Variants in CCDC33 observed in about 807,000 individuals in gnomAD.
The protein encoded by CCDC33 is coiled-coil domain containing 33.
CCDC33 carries 94 observed loss-of-function variants against 91.9 expected under a neutral mutation model. That is an observed-to-expected ratio of 1.02 (90% CI 0.87 to 1.21). The LOEUF (loss-of-function observed/expected upper bound fraction) is 1.21, where lower values mean the gene tolerates loss of function less well. CCDC33 is among the 50% of genes most tolerant of loss of function. The pLI is 0.00. For missense variants in CCDC33, 940 were observed against 935.5 expected, an observed-to-expected ratio of 1.00 and a Z score of -0.06; for synonymous variants, 396 against 374.5, an observed-to-expected ratio of 1.06 and a Z score of -0.66.
chr15:74,234,390 G>A (rs932556725), upstream of CCDC33, among the ~76,000 whole-genome samples: 2 of 152,202 alleles, frequency 1.3e-5, no homozygotes, highest in Non-Finnish European at 2.9e-5. Flanking sequence ...CCACTTCTCT[G>A]GGCTGGGGAT....
chr15:74,330,622 G>A (rs1487223589), intron 12 of CCDC33, 41 bp from the exon 13 acceptor site: 2 of 1,499,718 alleles, frequency 1.3e-6, no homozygotes, highest in Non-Finnish European at 9.3e-7. Flanking sequence ...TGAGCTGGGA[G>A]AGGCTTCCTC....
intron 7 of CCDC33, among the ~76,000 whole-genome samples, chr15:74,277,405 G>A (rs2076476787): frequency 6.6e-6 from 1 of 152,256 alleles, no homozygotes; most frequent in African/African-American, 2.4e-5. Flanking sequence ...AAATAAGGCG[G>A]TGGGCGTGGA....
chr15:74,319,544 C>A (rs2060163732), intron 11 of CCDC33: 1 of 152,506 alleles, frequency 6.6e-6, no homozygotes, highest in Non-Finnish European at 1.5e-5. Context: ...AGGGCTGGCC[C>A]CAATCTGCTG....
intron 10 of CCDC33, among the ~76,000 whole-genome samples, chr15:74,283,513 G>A (rs1161869481): frequency 6.6e-6 from 1 of 152,226 alleles, no homozygotes; most frequent in African/African-American, 2.4e-5. Context: ...CCGGAGCTGT[G>A]CTAAGTGCAG....
At chr15:74,297,900 C>T (rs351191) in intron 11 of CCDC33, among the ~76,000 whole-genome samples, 134,008 of 152,176 alleles carry the variant, frequency 0.88, 59,732 homozygotes, top group Non-Finnish European at 0.95. Flanking sequence ...AGCTAAGCCT[C>T]CACCTTCCCC....
At position 74,218,779 on chromosome 15, in the gene CCDC33, C is replaced by T; in HGVS notation, c.593C>T (p.Pro198Leu). 2 of 1,289,060 alleles carry T rather than the reference C, an allele frequency of 1.6e-6. No homozygotes were observed. Among genetic ancestry groups the T allele is most frequent in the Non-Finnish European group, 2.0e-6 (2 of 988,424 alleles). 79.9% of individuals were successfully genotyped at this position (1,289,060 alleles called of 1,614,324 possible). Residue 198 changes from proline (P) to leucine (L), a missense_variant, in exon 2 of 3, where the codon CCT becomes CTT. By Grantham distance (98) the Pro-to-Leu change is moderately conservative. Coordinates refer to the CCDC33 transcript ENST00000635913. The surrounding 1 kb of genome is among the most constrained non-coding windows in gnomAD (Gnocchi z 4.8). Reference sequence around the variant, plus strand: ...TTCCACGTCCACCGGGGCCCTCAGCCTCCAGTCTCAGACAGCCCTCCCAGG... The same window carrying T: ...TTCCACGTCCACCGGGGCCCTCAGCTTCCAGTCTCAGACAGCCCTCCCAGG...
Position 74,218,501 on chromosome 15 carries a change from C to T in CCDC33, c.315C>T (p.Phe105=). 1.6e-6 allele frequency: 2 copies of T among 1,282,460 alleles called. No homozygotes were observed. The highest frequency in any genetic ancestry group is 2.5e-5 in the South Asian group (2 of 79,522). The allele number at this position is 1,282,460 out of a possible 1,614,324, so 79.4% of individuals were successfully genotyped here. A position where few individuals can be genotyped will look rare whatever the true frequency, so the allele number is the denominator to read the frequency against. ...GCCCTGTGTTCCCTCATCCAGGTTTCTGCAAGAATGACGGGCAGCATGATG... is the reference window on the plus strand; with the variant it reads ...GCCCTGTGTTCCCTCATCCAGGTTTTTGCAAGAATGACGGGCAGCATGATG... Residue 105 remains phenylalanine, a synonymous_variant, in exon 2 of 3, where the codon TTC becomes TTT. Transcript: ENST00000635913. This position sits in a 1 kb window ranked among gnomAD's most constrained non-coding sequence, Gnocchi z 4.8.
At chr15:74,239,951 T>G (rs2075294202) in intron 1 of CCDC33, among the ~76,000 whole-genome samples, 1 of 152,194 alleles carries the variant, frequency 6.6e-6, no homozygotes, top group East Asian at 1.9e-4. Context: ...AGGACATTGG[T>G]TCTGATGCAG....
At chr15:74,217,480 C>T (rs544877518) in exon 1 of CCDC33, 4 of 1,289,716 alleles carry the variant, frequency 3.1e-6, no homozygotes, top group Non-Finnish European at 3.0e-6. Context: ...GATGGGGACC[C>T]CTTCCCTGCC....
At chr15:74,249,586 AAAAC>A (rs3985312) in intron 2 of CCDC33, among the ~76,000 whole-genome samples, 5,123 of 152,218 alleles carry the variant, frequency 0.034, 254 homozygotes, top group African/African-American at 0.11. Context: ...AGACAACCCA[AAAAC>A]AAACAAACAA....
At chr15:74,313,495 T>G (rs1413763724) in intron 11 of CCDC33, among the ~76,000 whole-genome samples, 1 of 142,922 alleles carries the variant, frequency 7.0e-6, no homozygotes, top group East Asian at 2.1e-4. Context: ...CTCAGCTCAC[T>G]GCAACCTCCG....
chr15:74,336,337 C>T (rs2060567007), downstream of CCDC33: 5 of 1,369,640 alleles, frequency 3.7e-6, no homozygotes, highest in South Asian at 2.5e-5. Context: ...AAAGCAGGGG[C>T]CAGGGAGACG....
chr15:74,280,152 A>C, intron 8 of CCDC33, 60 bp downstream of exon 8: 1 of 1,596,340 alleles, frequency 6.3e-7, no homozygotes, highest in African/African-American at 1.3e-5. Flanking sequence ...GTATTATGAA[A>C]GGGTGTTCAG....
At chr15:74,242,309 C>T (rs748040189) in intron 1 of CCDC33, among the ~76,000 whole-genome samples, 6 of 152,214 alleles carry the variant, frequency 3.9e-5, no homozygotes, top group Non-Finnish European at 8.8e-5. Context: ...ACACTCAGGG[C>T]TCCTCAGGAG....
intron 1 of CCDC33, among the ~76,000 whole-genome samples, chr15:74,206,988 C>T (rs1311366524): frequency 6.6e-6 from 1 of 152,248 alleles, no homozygotes; most frequent in African/African-American, 2.4e-5. Flanking sequence ...CTTCTGGACT[C>T]TGAGCCAGTG....
intron 5 of CCDC33, among the ~76,000 whole-genome samples, chr15:74,270,441 G>A (rs570838505): frequency 7.1e-4 from 108 of 152,288 alleles, no homozygotes; most frequent in African/African-American, 2.5e-3. Context: ...CGGGAGACAC[G>A]GCAGAGGGGC....
intron 11 of CCDC33, among the ~76,000 whole-genome samples, chr15:74,297,030 GCCT>G (rs1342016539): frequency 1.3e-5 from 2 of 152,180 alleles, no homozygotes; most frequent in African/African-American, 4.8e-5. Flanking sequence ...TCCACCAACA[GCCT>G]CCTCATCTTC....
chr15:74,222,590 A>G (rs1362332751), intron 2 of CCDC33, among the ~76,000 whole-genome samples: 2 of 151,416 alleles, frequency 1.3e-5, no homozygotes, highest in Admixed American at 1.3e-4. Flanking sequence ...AAGGGGAAAA[A>G]AAGGAGAAGA....
intron 11 of CCDC33, among the ~76,000 whole-genome samples, chr15:74,310,719 T>C (rs958661305): frequency 6.6e-6 from 1 of 152,054 alleles, no homozygotes; most frequent in African/African-American, 2.4e-5. Context: ...GGATTTCCAT[T>C]ACCTGAGCAG....
Sources: gnomAD v4.1 joint callset for allele counts (sites outside exome capture counted in the v4.1 genomes callset) on GRCh38, gnomAD v4.1.1 for gene constraint, Gnocchi (gnomAD v3.1) non-coding constraint, MANE v1.5 for transcripts, NCBI Gene and HGNC (gene_info 2026-07-23, HGNC 2026-07-21) for gene names.